Variants in CHSY3 observed in about 807,000 individuals in gnomAD.
CHSY3 encodes the protein chondroitin sulfate synthase 3, also known as N-acetylgalactosaminyl-proteoglycan 3-beta-glucuronosyltransferase 3.
A neutral mutation model predicts 67.2 loss-of-function variants in CHSY3; 35 were observed. That is an observed-to-expected ratio of 0.52 (90% confidence interval 0.40 to 0.69). The LOEUF is 0.69. Among genes scored for constraint, CHSY3 ranks in the 30% least tolerant of loss-of-function variants. CHSY3 has a pLI of 0.00. For synonymous variants in CHSY3, 474 were observed against 434.7 expected, an observed-to-expected ratio of 1.09 and a Z score of -1.12; for missense variants, 1,069 against 1,138.5, an observed-to-expected ratio of 0.94 and a Z score of 0.88.
intron 2 of CHSY3, 133 bp downstream of exon 2, chr5:129,908,493 G>C: frequency 7.4e-7 from 1 of 1,346,628 alleles, no homozygotes. Flanking sequence ...GCCCTTAAGG[G>C]ATACAAGAGT....
chr5:129,904,197 G>C (rs368325066), upstream of CHSY3, among the ~76,000 whole-genome samples: 33 of 152,078 alleles, frequency 2.2e-4, no homozygotes, highest in East Asian at 5.5e-3. Flanking sequence ...GGAGGGAAGA[G>C]GGGGCGTCGG....
At chr5:129,986,507 C>G (rs980445990) in intron 2 of CHSY3, among the ~76,000 whole-genome samples, 1 of 151,924 alleles carries the variant, frequency 6.6e-6, no homozygotes, top group Admixed American at 6.6e-5. Context: ...ATGTTTCTGC[C>G]AGGTTTTGCT....
At chr5:130,161,191 A>G (rs1419443057) in intron 2 of CHSY3, among the ~76,000 whole-genome samples, 1 of 152,156 alleles carries the variant, frequency 6.6e-6, no homozygotes, top group Non-Finnish European at 1.5e-5. Context: ...GGCGTGAGCC[A>G]CCACGACCAG....
chr5:130,014,563 C>T, intron 2 of CHSY3, among the ~76,000 whole-genome samples: 1 of 152,164 alleles, frequency 6.6e-6, no homozygotes, highest in East Asian at 1.9e-4. Context: ...ATCATGAGAA[C>T]AGCATGGGGG....
intron 2 of CHSY3, among the ~76,000 whole-genome samples, chr5:130,143,730 GTGTGTATATA>G (rs1168715862): frequency 1.9e-5 from 2 of 104,546 alleles, no homozygotes; most frequent in African/African-American, 8.2e-5. Context: ...ATGTGTGTGT[GTGTGTATATA>G]TATATATATA....
At chr5:130,057,488 A>G (rs921712187) in intron 2 of CHSY3, among the ~76,000 whole-genome samples, 1 of 152,176 alleles carries the variant, frequency 6.6e-6, no homozygotes, top group African/African-American at 2.4e-5. Flanking sequence ...AGAAAACTTA[A>G]TGTGATGCTT....
chr5:130,010,056 C>A (rs1207145255), intron 2 of CHSY3, among the ~76,000 whole-genome samples: 1 of 152,144 alleles, frequency 6.6e-6, no homozygotes, highest in East Asian at 1.9e-4. Flanking sequence ...TAACACCCCA[C>A]TGACAGTATT....
chr5:129,979,985 C>T (rs973161802), intron 2 of CHSY3, among the ~76,000 whole-genome samples: 10 of 152,106 alleles, frequency 6.6e-5, no homozygotes, highest in Admixed American at 5.9e-4. Context: ...CTCATTTTAT[C>T]CGTTCACCTA....
chr5:129,907,946 C>A lies in CHSY3; in HGVS notation c.803-131C>A, dbSNP rs1343317539. 3.5e-6 allele frequency: 5 copies of A among 1,427,686 alleles called. No individual in the cohort carries two copies. In the African/African-American group the frequency reaches 7.2e-5, roughly 21 times the overall value. The allele number at this position is 1,427,686 out of a possible 1,614,324, so 88.4% of individuals were successfully genotyped here. ...AAAAATAATAGAGTATTGGAAGAGGCTTTTTCTTCTTTTCAGTTGTGTAAG... is the reference window on the plus strand; with the variant it reads ...AAAAATAATAGAGTATTGGAAGAGGATTTTTCTTCTTTTCAGTTGTGTAAG... On this transcript the variant is annotated intron_variant, in intron 1 of 2. Transcript: ENST00000305031.
At chr5:129,944,377 A>T (rs1442240411) in intron 2 of CHSY3, among the ~76,000 whole-genome samples, 1 of 152,108 alleles carries the variant, frequency 6.6e-6, no homozygotes. Flanking sequence ...AAAGTCACTC[A>T]TTTGGGACAA....
chr5:129,953,830 GT>G (rs760227327), intron 2 of CHSY3, among the ~76,000 whole-genome samples: 3 of 151,930 alleles, frequency 2.0e-5, no homozygotes, highest in African/African-American at 7.3e-5. Context: ...GGGGTTGTTT[GT>G]TTTTTTCTTG....
At chr5:129,984,804 T>G (rs1311246014) in intron 2 of CHSY3, among the ~76,000 whole-genome samples, 1 of 152,120 alleles carries the variant, frequency 6.6e-6, no homozygotes, top group African/African-American at 2.4e-5. Context: ...TATGCTTGAC[T>G]GTTACGTATA....
At chr5:130,043,294 A>G (rs1765055900) in intron 2 of CHSY3, among the ~76,000 whole-genome samples, 1 of 151,930 alleles carries the variant, frequency 6.6e-6, no homozygotes. Context: ...TAGATATTTA[A>G]TAAATATATA....
intron 2 of CHSY3, among the ~76,000 whole-genome samples, chr5:129,914,189 C>A (rs1336103485): frequency 1.3e-5 from 2 of 152,152 alleles, no homozygotes; most frequent in African/African-American, 4.8e-5. Flanking sequence ...TGGCTCACTG[C>A]AACCTCCCCC....
chr5:129,940,888 G>T (rs1580557685), intron 2 of CHSY3, among the ~76,000 whole-genome samples: 1 of 152,114 alleles, frequency 6.6e-6, no homozygotes, highest in Admixed American at 6.6e-5. Flanking sequence ...GCAGGCTAAT[G>T]TAAGTGTTCT....
intron 2 of CHSY3, among the ~76,000 whole-genome samples, chr5:130,029,678 T>A (rs555257865): frequency 4.3e-4 from 66 of 152,300 alleles, no homozygotes; most frequent in Admixed American, 5.9e-4. Context: ...CTCTTTTTTT[T>A]AAAATAAAAC....
intron 2 of CHSY3, chr5:130,002,031 C>CT (rs1255153649): frequency 9.4e-5 from 83 of 879,524 alleles, no homozygotes; most frequent in Middle Eastern, 5.8e-4. Context: ...TTTCTGTGTT[C>CT]TTTTTTTTAA....
intron 2 of CHSY3, among the ~76,000 whole-genome samples, chr5:130,173,959 T>G (rs1470355796): frequency 6.6e-6 from 1 of 152,058 alleles, no homozygotes; most frequent in African/African-American, 2.4e-5. Flanking sequence ...ACTATTTTAC[T>G]TAGAATTTTT....
intron 2 of CHSY3, among the ~76,000 whole-genome samples, chr5:130,072,751 G>A (rs930475131): frequency 6.6e-6 from 1 of 152,020 alleles, no homozygotes; most frequent in Non-Finnish European, 1.5e-5. Flanking sequence ...GCTTTGGGTG[G>A]TGTGGACATA....
Sources: gnomAD v4.1 joint callset for allele counts (sites outside exome capture counted in the v4.1 genomes callset) on GRCh38, gnomAD v4.1.1 for gene constraint, MANE v1.5 for transcripts, NCBI Gene and HGNC (gene_info 2026-07-23, HGNC 2026-07-21) for gene names.